Variants in RYR3 observed in about 807,000 individuals in gnomAD.
RYR3 encodes the protein brain ryanodine receptor-calcium release channel.
Under a neutral mutation model 584.3 loss-of-function variants are expected in RYR3, and 207 were observed. The observed-to-expected ratio is 0.35, with a 90% CI of 0.32 to 0.40. The LOEUF is 0.40. Ranked by LOEUF, RYR3 falls within the 10% of genes least tolerant of loss-of-function variation. RYR3 has a pLI of 1.00. For synonymous variants in RYR3, 2,416 were observed against 2,248.5 expected (o/e 1.07, Z -2.11); for missense variants, 5,616 against 6,089.2 (o/e 0.92, Z 2.59).
At chr15:33,519,971 G>A (rs1567433680) in intron 3 of RYR3, among the ~76,000 whole-genome samples, 1 of 152,058 alleles carries the variant, frequency 6.6e-6, no homozygotes, top group Admixed American at 6.6e-5. Context: ...AAGAAGAATC[G>A]ATCTCCAACT....
chr15:33,725,154 TACACACACACACACACACACACACACAC>T (rs58951939), intron 45 of RYR3, among the ~76,000 whole-genome samples: 5 of 113,846 alleles, frequency 4.4e-5, no homozygotes, highest in South Asian at 4.1e-4. Flanking sequence ...TCCAACACCT[TACACACACACACACACACACACACACAC>T]ACACACACAC....
At chr15:33,639,494 C>T (rs553457993) in intron 27 of RYR3, among the ~76,000 whole-genome samples, 139 of 152,216 alleles carry the variant, frequency 9.1e-4, no homozygotes, top group Non-Finnish European at 1.4e-3. Flanking sequence ...GCAATTCTTG[C>T]CTTGAGTTGT....
intron 37 of RYR3, 88 bp from the exon 38 acceptor site, chr15:33,670,331 T>G: frequency 7.3e-7 from 1 of 1,361,316 alleles, no homozygotes; most frequent in South Asian, 1.3e-5. Context: ...TCCAGAAGGA[T>G]GGGAAGCAGT....
At chr15:33,831,666 C>A (rs1480746173) in intron 86 of RYR3, among the ~76,000 whole-genome samples, 1 of 152,138 alleles carries the variant, frequency 6.6e-6, no homozygotes, top group Non-Finnish European at 1.5e-5. Context: ...TTTCTCTATT[C>A]ATAGTATTTT....
intron 1 of RYR3, among the ~76,000 whole-genome samples, chr15:33,357,155 T>C (rs1244207737): frequency 6.6e-6 from 1 of 152,162 alleles, no homozygotes; most frequent in African/African-American, 2.4e-5. Context: ...AGTCTAAAAA[T>C]TTTGAAGGAG....
chr15:33,520,584 A>C, intron 3 of RYR3, among the ~76,000 whole-genome samples: 1 of 152,206 alleles, frequency 6.6e-6, no homozygotes, highest in East Asian at 1.9e-4. Context: ...CTACAGGAGA[A>C]GGTGGTGGGA....
At chr15:33,563,124 C>A in intron 11 of RYR3, 114 bp downstream of exon 11, 1 of 859,710 alleles carries the variant, frequency 1.2e-6, no homozygotes, top group Non-Finnish European at 1.8e-6. Flanking sequence ...TCTTACTATT[C>A]AGAAGAGTTA....
intron 3 of RYR3, among the ~76,000 whole-genome samples, chr15:33,504,963 G>A (rs2052340942): frequency 6.6e-6 from 1 of 152,156 alleles, no homozygotes; most frequent in Admixed American, 6.5e-5. Context: ...TCTGTTGCTG[G>A]GACAACATTA....
intron 2 of RYR3, among the ~76,000 whole-genome samples, chr15:33,497,503 C>T (rs369371965): frequency 1.0e-3 from 156 of 152,218 alleles, no homozygotes; most frequent in African/African-American, 3.5e-3. Context: ...TAATTTAGGC[C>T]GTTGTCACCT....
intron 38 of RYR3, among the ~76,000 whole-genome samples, chr15:33,675,754 T>A (rs943636241): frequency 6.6e-6 from 1 of 152,210 alleles, no homozygotes; most frequent in African/African-American, 2.4e-5. Context: ...TTTTAACTAT[T>A]TTTTGGCTAT....
intron 94 of RYR3, chr15:33,852,229 A>C (rs921794106): frequency 1.3e-5 from 2 of 152,210 alleles, no homozygotes; most frequent in African/African-American, 4.8e-5. Flanking sequence ...CTAGGCTGCA[A>C]TCCAGTCTTA....
intron 1 of RYR3, among the ~76,000 whole-genome samples, chr15:33,330,614 G>A (rs1428777846): frequency 3.3e-5 from 5 of 152,120 alleles, no homozygotes; most frequent in South Asian, 2.1e-4. Flanking sequence ...TTGAATTAGA[G>A]TATTAAAGAT....
intron 12 of RYR3, among the ~76,000 whole-genome samples, chr15:33,573,207 TG>T (rs2058126932): frequency 6.6e-6 from 1 of 152,078 alleles, no homozygotes; most frequent in African/African-American, 2.4e-5. Context: ...AAAGGACTAA[TG>T]AAAAAATATC....
intron 1 of RYR3, among the ~76,000 whole-genome samples, chr15:33,456,307 G>A (rs1343766107): frequency 6.6e-6 from 1 of 152,186 alleles, no homozygotes; most frequent in Non-Finnish European, 1.5e-5. Flanking sequence ...TGATCGCGCA[G>A]AATGCCAAGA....
intron 10 of RYR3, among the ~76,000 whole-genome samples, chr15:33,553,248 G>A (rs1050441125): frequency 6.6e-6 from 1 of 152,214 alleles, no homozygotes; most frequent in African/African-American, 2.4e-5. Flanking sequence ...CTTTAGTCAT[G>A]TGTTTTGGGA....
chr15:33,846,251 C>G (rs1050388427), intron 93 of RYR3, among the ~76,000 whole-genome samples: 2 of 152,218 alleles, frequency 1.3e-5, no homozygotes, highest in Non-Finnish European at 2.9e-5. Flanking sequence ...AGGCCCAGAA[C>G]TGGTACAGTG....
At chr15:33,549,210 A>C (rs1026847725) in intron 9 of RYR3, among the ~76,000 whole-genome samples, 1 of 152,182 alleles carries the variant, frequency 6.6e-6, no homozygotes, top group African/African-American at 2.4e-5. Flanking sequence ...TCTTGTTCTC[A>C]GGACATTAGG....
At chr15:33,700,108 C>T (rs2066190910) in intron 41 of RYR3, among the ~76,000 whole-genome samples, 1 of 152,188 alleles carries the variant, frequency 6.6e-6, no homozygotes, top group Admixed American at 6.5e-5. Context: ...ACCAGTGGCC[C>T]ATGGTTTACA....
chr15:33,786,443 ACT>A (rs1221242378), intron 66 of RYR3, among the ~76,000 whole-genome samples: 1 of 150,714 alleles, frequency 6.6e-6, no homozygotes, highest in Non-Finnish European at 1.5e-5. Flanking sequence ...TTTCTAAGAC[ACT>A]GTCTCATGCG....
Sources: gnomAD v4.1 joint callset for allele counts (sites outside exome capture counted in the v4.1 genomes callset) on GRCh38, gnomAD v4.1.1 for gene constraint, MANE v1.5 for transcripts, NCBI Gene and HGNC (gene_info 2026-07-23, HGNC 2026-07-21) for gene names.